The following GRM8 variants were observed in gnomAD, a reference collection of about 807,000 sequenced individuals.
GRM8 encodes the protein metabotropic glutamate receptor 8.
In GRM8, 47 loss-of-function variants were observed where a neutral mutation model predicts 87.2. That is an observed-to-expected ratio of 0.54 (90% CI 0.43 to 0.69). The LOEUF (loss-of-function observed/expected upper bound fraction) is 0.69, where lower values mean the gene tolerates loss of function less well. Ranked by LOEUF, GRM8 falls within the 30% of genes least tolerant of loss-of-function variation. The probability of loss-of-function intolerance (pLI) is 0.00; values close to 1 mark genes in which losing one functional copy is unlikely to be tolerated. For missense variants in GRM8, 1,019 were observed against 1,139.2 expected, an observed-to-expected ratio of 0.89 and a Z score of 1.52; for synonymous variants, 396 against 404.5, an observed-to-expected ratio of 0.98 and a Z score of 0.25.
chr7:126,798,979 C>T (rs952200026), intron 6 of GRM8, among the ~76,000 whole-genome samples: 12 of 152,042 alleles, frequency 7.9e-5, no homozygotes, highest in African/African-American at 2.9e-4. Flanking sequence ...GAGAACACTC[C>T]AGAGCCTGGT....
At chr7:126,931,241 T>C (rs1805731686) in intron 3 of GRM8, among the ~76,000 whole-genome samples, 1 of 152,164 alleles carries the variant, frequency 6.6e-6, no homozygotes, top group Non-Finnish European at 1.5e-5. Context: ...AGAAATAAAA[T>C]GCAAGAATAT....
chr7:126,900,630 C>T (rs1192800270), intron 6 of GRM8, among the ~76,000 whole-genome samples: 4 of 150,686 alleles, frequency 2.7e-5, no homozygotes, highest in African/African-American at 7.3e-5. Flanking sequence ...CTGCCTCAGC[C>T]TCCCAAGTAG....
intron 6 of GRM8, among the ~76,000 whole-genome samples, chr7:126,816,226 A>G (rs73723504): frequency 0.025 from 3,820 of 152,128 alleles, 169 homozygotes; most frequent in African/African-American, 0.088. Context: ...CAGCTTTCCC[A>G]TGCCAAGAAT....
At chr7:126,732,525 G>A (rs1319882618) in intron 7 of GRM8, among the ~76,000 whole-genome samples, 1 of 152,076 alleles carries the variant, frequency 6.6e-6, no homozygotes, top group African/African-American at 2.4e-5. Context: ...TAATCACTTA[G>A]CATATGAAAG....
At chr7:126,789,089 A>G (rs906283179) in intron 6 of GRM8, among the ~76,000 whole-genome samples, 4 of 152,164 alleles carry the variant, frequency 2.6e-5, no homozygotes, top group African/African-American at 9.7e-5. Context: ...CTTAGCATAG[A>G]CTTAATTTGT....
At chr7:126,472,447 G>A (rs905673194) in intron 9 of GRM8, among the ~76,000 whole-genome samples, 1 of 152,052 alleles carries the variant, frequency 6.6e-6, no homozygotes, top group Admixed American at 6.6e-5. Flanking sequence ...AAATTTCTAA[G>A]CAGCAAGGCA....
intron 9 of GRM8, among the ~76,000 whole-genome samples, chr7:126,450,192 T>C (rs753781447): frequency 6.6e-6 from 1 of 151,770 alleles, no homozygotes; most frequent in Non-Finnish European, 1.5e-5. Context: ...AGATTTTATT[T>C]TTCCAGGATA....
intron 3 of GRM8, among the ~76,000 whole-genome samples, chr7:127,066,759 G>T (rs1248067112): frequency 6.6e-6 from 1 of 152,086 alleles, no homozygotes; most frequent in East Asian, 1.9e-4. Flanking sequence ...CTGTAATTTT[G>T]TAAGCTTTAA....
intron 8 of GRM8, among the ~76,000 whole-genome samples, chr7:126,549,233 AG>A (rs540985759): frequency 3.6e-4 from 55 of 152,328 alleles, no homozygotes; most frequent in African/African-American, 1.3e-3. Context: ...CAGCTGTTAT[AG>A]AAAAATAAAA....
chr7:127,024,098 C>T (rs978874), intron 3 of GRM8, among the ~76,000 whole-genome samples: 103,643 of 151,974 alleles, frequency 0.68, 36,810 homozygotes, highest in African/African-American at 0.83. Context: ...AAATATGGAA[C>T]TGGTTTTACA....
At chr7:127,198,926 C>T (rs764338708) in intron 2 of GRM8, among the ~76,000 whole-genome samples, 2 of 150,984 alleles carry the variant, frequency 1.3e-5, no homozygotes, top group Non-Finnish European at 2.9e-5. Context: ...CTGCAACCTT[C>T]GCCTCCCAAG....
intron 7 of GRM8, among the ~76,000 whole-genome samples, chr7:126,655,808 A>AT (rs1355930689): frequency 6.6e-6 from 1 of 152,202 alleles, no homozygotes; most frequent in African/African-American, 2.4e-5. Context: ...AAACATCCAC[A>AT]TGTGGTTTAA....
intron 7 of GRM8, among the ~76,000 whole-genome samples, chr7:126,766,769 C>CTG (rs1040289298): frequency 1.3e-5 from 2 of 152,118 alleles, no homozygotes; most frequent in African/African-American, 4.8e-5. Flanking sequence ...CAATGGCCTC[C>CTG]TTGCACTTTT....
At chr7:126,629,942 T>C (rs1801091292) in intron 7 of GRM8, among the ~76,000 whole-genome samples, 1 of 152,146 alleles carries the variant, frequency 6.6e-6, no homozygotes, top group Non-Finnish European at 1.5e-5. Flanking sequence ...ATGAAAACAA[T>C]AATTATTAGT....
chr7:126,439,064 G>T lies in GRM8; in HGVS notation c.*55C>A. 9.4e-7 allele frequency: 1 copy of T among 1,068,680 alleles called. No individual in the cohort carries two copies. The highest frequency in any genetic ancestry group is 1.5e-6 in the Non-Finnish European group (1 of 682,912). 66.2% of individuals were successfully genotyped at this position (1,068,680 alleles called of 1,614,324 possible). On this transcript the variant is annotated 3_prime_UTR_variant, in exon 11 of 11. Coordinates refer to ENST00000339582, the MANE Select transcript of GRM8 (RefSeq NM_000845.3). Reference sequence around the variant, plus strand: ...CAGGAGTGAATTTTTGCGGTCTCATGTTCATCATTTAAGATCATATACCAC... The same window carrying T: ...CAGGAGTGAATTTTTGCGGTCTCATTTTCATCATTTAAGATCATATACCAC...
chr7:126,569,690 G>A (rs907905128), intron 8 of GRM8, among the ~76,000 whole-genome samples: 2 of 152,112 alleles, frequency 1.3e-5, no homozygotes, highest in African/African-American at 2.4e-5. Flanking sequence ...GTGGTAAAGC[G>A]TGTCTTTTCC....
chr7:126,747,657 A>T (rs1220980154), intron 7 of GRM8, among the ~76,000 whole-genome samples: 1 of 152,028 alleles, frequency 6.6e-6, no homozygotes, highest in Non-Finnish European at 1.5e-5. Flanking sequence ...TATATACAGT[A>T]TTCACTGTAT....
intron 8 of GRM8, 162 bp from the exon 9 acceptor site, chr7:126,534,049 G>C (rs1815293309): frequency 3.3e-6 from 2 of 612,194 alleles, no homozygotes; most frequent in Non-Finnish European, 2.9e-6. Flanking sequence ...CTTTATGAAA[G>C]TGTTAAGTGA....
At chr7:126,613,160 T>C (rs542531482) in intron 7 of GRM8, among the ~76,000 whole-genome samples, 1 of 152,302 alleles carries the variant, frequency 6.6e-6, no homozygotes, top group South Asian at 2.1e-4. Flanking sequence ...AGAAAGAGCA[T>C]CGTTGAGTAG....
Sources: allele counts gnomAD v4.1 joint callset (sites outside exome capture counted in the v4.1 genomes callset), GRCh38; gene constraint gnomAD v4.1.1; transcripts MANE v1.5; gene names NCBI Gene and HGNC (gene_info 2026-07-23, HGNC 2026-07-21).